DNM1L: variants seen among roughly 807,000 people sequenced by gnomAD.
The protein encoded by DNM1L is dynamin-1-like protein.
In DNM1L, 33 loss-of-function variants were observed where a neutral mutation model predicts 92.8. The observed-to-expected ratio is 0.36, with a 90% CI of 0.27 to 0.48. The LOEUF (loss-of-function observed/expected upper bound fraction) is 0.48. Ranked by LOEUF, DNM1L falls within the 20% of genes least tolerant of loss-of-function variation. DNM1L has a pLI of 0.99. For missense variants in DNM1L, 485 were observed against 888.8 expected, an observed-to-expected ratio of 0.55 and a Z score of 5.78; for synonymous variants, 284 against 305.0, an observed-to-expected ratio of 0.93 and a Z score of 0.72.
intron 9 of DNM1L, chr12:32,727,246 T>G (rs1002892921): frequency 6.9e-7 from 1 of 1,452,390 alleles, no homozygotes; most frequent in Non-Finnish European, 9.7e-7. Context: ...ACAGCATACT[T>G]CCTTTCAAGA....
intron 1 of DNM1L, among the ~76,000 whole-genome samples, chr12:32,682,422 C>T (rs886950098): frequency 6.6e-6 from 1 of 152,092 alleles, no homozygotes; most frequent in African/African-American, 2.4e-5. Flanking sequence ...GTGAACCACC[C>T]CGCCTGGCCT....
At chr12:32,730,940 C>T in intron 9 of DNM1L, 74 bp from the exon 10 acceptor site, 1 of 1,601,060 alleles carries the variant, frequency 6.2e-7, no homozygotes. Flanking sequence ...CTTAAAGCTT[C>T]TAGAAAGACT....
chr12:32,700,920 A>C (rs1952673849), intron 1 of DNM1L, among the ~76,000 whole-genome samples: 1 of 152,096 alleles, frequency 6.6e-6, no homozygotes, highest in Admixed American at 6.5e-5. Flanking sequence ...CAGGGCTGTT[A>C]TTTTCTGGTT....
intron 18 of DNM1L, among the ~76,000 whole-genome samples, 188 bp downstream of exon 18, chr12:32,740,706 G>A (rs1393570919): frequency 1.3e-5 from 2 of 152,180 alleles, no homozygotes; most frequent in Non-Finnish European, 2.9e-5. Flanking sequence ...AGGACCTCAT[G>A]TATCAGCTAG....
At chr12:32,707,093 T>G (rs1592602254) in intron 2 of DNM1L, 1 of 333,328 alleles carries the variant, frequency 3.0e-6, no homozygotes, top group Non-Finnish European at 5.4e-6. Flanking sequence ...ATTTGCAAAA[T>G]CTAGATTTCA....
chr12:32,708,807 T>C (rs1401050053), intron 4 of DNM1L, among the ~76,000 whole-genome samples: 1 of 152,126 alleles, frequency 6.6e-6, no homozygotes, highest in African/African-American at 2.4e-5. Flanking sequence ...TGACACTAGG[T>C]ACTATCACTG....
In DNM1L at chr12:32,731,803, TAA is replaced by T; in HGVS notation, c.1357-42_1357-41del. Reference sequence around the variant, plus strand: ...AGGATGGCTTAGTGAGACTATGACTTAAAAAAAAAACAAAAAACAAACACGTT... The same window carrying T: ...AGGATGGCTTAGTGAGACTATGACTTAAAAAAAACAAAAAACAAACACGTT... On this transcript the variant is annotated intron_variant, in intron 11 of 19. Transcript: ENST00000549701. The surrounding 1 kb of genome is among the most constrained non-coding windows in gnomAD (Gnocchi z 5.1). The T allele has an allele frequency of 8.5e-7, 1 of 1,173,988 alleles. No homozygotes were observed. The allele number at this position is 1,173,988 out of a possible 1,614,324, so 72.7% of individuals were successfully genotyped here. A position where few individuals can be genotyped will look rare whatever the true frequency, so the allele number is the denominator to read the frequency against.
intron 9 of DNM1L, chr12:32,727,486 C>A: frequency 1.6e-4 from 82 of 500,122 alleles, no homozygotes; most frequent in Middle Eastern, 5.7e-4. Flanking sequence ...GGCAGCACTG[C>A]AAGCAGATGG....
intron 12 of DNM1L, chr12:32,732,606 G>A (rs143794289): frequency 0.013 from 6,149 of 455,662 alleles, 245 homozygotes; most frequent in South Asian, 0.076. Flanking sequence ...AACCATCCTT[G>A]GAATGTAAGT....
intron 1 of DNM1L, chr12:32,679,786 G>C (rs1951734998): frequency 2.9e-6 from 3 of 1,049,848 alleles, no homozygotes; most frequent in Non-Finnish European, 3.4e-6. Flanking sequence ...GCTGGGACCG[G>C]GCGCGGCCTC....
intron 4 of DNM1L, among the ~76,000 whole-genome samples, chr12:32,710,444 G>A (rs1217514509): frequency 2.0e-5 from 3 of 151,824 alleles, no homozygotes; most frequent in African/African-American, 7.3e-5. Context: ...TGTAATACCC[G>A]GTCTCTACAA....
At chr12:32,695,111 G>T (rs1268095670) in intron 1 of DNM1L, among the ~76,000 whole-genome samples, 1 of 152,128 alleles carries the variant, frequency 6.6e-6, no homozygotes, top group Non-Finnish European at 1.5e-5. Flanking sequence ...CCAGATAAAA[G>T]CAGGGGAGGT....
At chr12:32,705,763 A>G in intron 2 of DNM1L, 2 of 1,444,472 alleles carry the variant, frequency 1.4e-6, no homozygotes, top group African/African-American at 1.4e-5. Context: ...AATTTTTAAT[A>G]AGGTTTAAAA....
At chr12:32,685,656 C>G (rs1354138858) in intron 1 of DNM1L, among the ~76,000 whole-genome samples, 1 of 152,038 alleles carries the variant, frequency 6.6e-6, no homozygotes, top group African/African-American at 2.4e-5. Context: ...AGCTGCTGCG[C>G]CCAGCCGTGG....
intron 1 of DNM1L, among the ~76,000 whole-genome samples, chr12:32,692,258 C>T (rs1952262809): frequency 1.3e-5 from 2 of 152,068 alleles, no homozygotes; most frequent in South Asian, 4.1e-4. Flanking sequence ...GCACAGGCTC[C>T]AGGAAGTCCT....
At chr12:32,716,249 G>A (rs894903267) in intron 6 of DNM1L, among the ~76,000 whole-genome samples, 1 of 150,396 alleles carries the variant, frequency 6.6e-6, no homozygotes, top group East Asian at 1.9e-4. Context: ...TGGTGGGGGG[G>A]GGTGGCAATG....
Position 32,696,975 on chromosome 12 carries a change from C to T in DNM1L, c.103-4440C>T, listed in dbSNP as rs75841150. Among the ~76,000 whole-genome samples, 563 of 151,170 alleles carry T rather than the reference C, an allele frequency of 3.7e-3. 8 individuals are homozygous for T. The East Asian group carries it at 0.041, about 11-fold the overall frequency. On this transcript the variant is annotated intron_variant, in intron 1 of 19. Coordinates refer to ENST00000549701, the MANE Select transcript of DNM1L (RefSeq NM_012062.5). Reference sequence around the variant, plus strand: ...ATGGAATTTCATTGTCTCCTTTCTCCTATGACAGTAGGGAGGCCAAGGTGG... The same window carrying T: ...ATGGAATTTCATTGTCTCCTTTCTCTTATGACAGTAGGGAGGCCAAGGTGG...
intron 18 of DNM1L, among the ~76,000 whole-genome samples, chr12:32,741,359 C>T (rs1194080836): frequency 6.6e-6 from 1 of 152,190 alleles, no homozygotes; most frequent in Non-Finnish European, 1.5e-5. Context: ...AGTCTTGGCC[C>T]ACTTCAACCT....
chr12:32,712,755 A>ACTATATATATGTTTTT (rs1315458136), intron 5 of DNM1L, among the ~76,000 whole-genome samples: 1 of 151,070 alleles, frequency 6.6e-6, no homozygotes. Flanking sequence ...CCATCTGTAT[A>ACTATATATATGTTTTT]CTATATATAT....
Sources: gnomAD v4.1 joint callset for allele counts (sites outside exome capture counted in the v4.1 genomes callset) on GRCh38, gnomAD v4.1.1 for gene constraint, Gnocchi (gnomAD v3.1) non-coding constraint, MANE v1.5 for transcripts, NCBI Gene and HGNC (gene_info 2026-07-23, HGNC 2026-07-21) for gene names.